Variants in CCDC3 observed in about 807,000 individuals in gnomAD.
CCDC3 encodes coiled-coil domain containing 3.
A neutral mutation model predicts 21.4 loss-of-function variants in CCDC3; 24 were observed. That is an observed-to-expected ratio of 1.12 (90% CI 0.81 to 1.58). The LOEUF is 1.58. Among genes scored for constraint, CCDC3 ranks in the 40% most tolerant of loss-of-function variants. The probability of loss-of-function intolerance (pLI) is 0.00; values close to 1 mark genes in which losing one functional copy is unlikely to be tolerated. For missense variants in CCDC3, 425 were observed against 360.9 expected, an observed-to-expected ratio of 1.18 and a Z score of -1.44; for synonymous variants, 186 against 166.0, an observed-to-expected ratio of 1.12 and a Z score of -0.93.
intron 3 of CCDC3, among the ~76,000 whole-genome samples, chr10:13,086,817 G>A (rs541306885): frequency 3.7e-4 from 56 of 152,318 alleles, no homozygotes; most frequent in Non-Finnish European, 7.1e-4. Context: ...CAAAGCTGTG[G>A]TTGGTCCAGG....
At chr10:12,947,292 C>T (rs563723768) in intron 2 of CCDC3, among the ~76,000 whole-genome samples, 4 of 152,182 alleles carry the variant, frequency 2.6e-5, no homozygotes, top group South Asian at 2.1e-4. Context: ...AGATTACAGG[C>T]GCCCACCACC....
chr10:13,094,936 T>G (rs2131457519), intron 3 of CCDC3, among the ~76,000 whole-genome samples: 1 of 152,104 alleles, frequency 6.6e-6, no homozygotes, highest in South Asian at 2.1e-4. Flanking sequence ...TGAACAGGCT[T>G]GTCTCAAAGC....
At chr10:13,044,938 T>A (rs965812700) in intron 5 of CCDC3, among the ~76,000 whole-genome samples, 1 of 152,234 alleles carries the variant, frequency 6.6e-6, no homozygotes, top group Admixed American at 6.5e-5. Context: ...AGTTTTTCCA[T>A]TTGTTTGTGT....
chr10:12,968,070 G>A (rs544122628), intron 2 of CCDC3, among the ~76,000 whole-genome samples: 2 of 152,142 alleles, frequency 1.3e-5, no homozygotes, highest in South Asian at 2.1e-4. Context: ...TCTGGAGGCT[G>A]AGGCAGGAGA....
intron 2 of CCDC3, among the ~76,000 whole-genome samples, chr10:12,925,801 T>C (rs17508369): frequency 0.056 from 8,501 of 152,338 alleles, 255 homozygotes; most frequent in Non-Finnish European, 0.072. Context: ...CCACATCTCA[T>C]GAAATTCTCA....
intron 5 of CCDC3, among the ~76,000 whole-genome samples, chr10:13,048,847 G>T (rs1050326208): frequency 6.6e-6 from 1 of 152,176 alleles, no homozygotes; most frequent in Non-Finnish European, 1.5e-5. Context: ...GAGGGAGATT[G>T]TGTCTGAAAA....
At chr10:12,970,318 C>T (rs540424478) in intron 2 of CCDC3, among the ~76,000 whole-genome samples, 19 of 152,194 alleles carry the variant, frequency 1.2e-4, no homozygotes, top group African/African-American at 4.6e-4. Flanking sequence ...TCAACTTTAC[C>T]GTGGGTTCAC....
intron 2 of CCDC3, among the ~76,000 whole-genome samples, chr10:12,933,344 C>T (rs1216075240): frequency 2.0e-5 from 3 of 152,162 alleles, no homozygotes; most frequent in African/African-American, 7.2e-5. Flanking sequence ...TAGGTCTATT[C>T]AGATTCTCTT....
At chr10:12,928,062 C>T (rs1312344190) in intron 2 of CCDC3, among the ~76,000 whole-genome samples, 1 of 152,158 alleles carries the variant, frequency 6.6e-6, no homozygotes, top group Admixed American at 6.5e-5. Context: ...GGTGTGCACA[C>T]CCAGGGCCTC....
intron 5 of CCDC3, among the ~76,000 whole-genome samples, chr10:13,038,423 A>C (rs953255272): frequency 5.3e-5 from 8 of 151,898 alleles, no homozygotes; most frequent in Non-Finnish European, 1.2e-4. Flanking sequence ...TCTGCTCTCA[A>C]GACTCAGCAA....
intron 2 of CCDC3, among the ~76,000 whole-genome samples, chr10:12,913,881 TCA>T (rs1269981925): frequency 1.3e-5 from 2 of 152,238 alleles, no homozygotes; most frequent in African/African-American, 4.8e-5. Context: ...GTGATGTATC[TCA>T]TTTATAGATT....
rs58786684 is a variant in CCDC3, at chr10:12,994,417, A to ACAAAAC, written c.549+3920_549+3921insGTTTTG. 2.0e-4 allele frequency among the ~76,000 whole-genome samples: 30 copies of ACAAAAC among 150,956 alleles called. 1 individual carries two copies. The highest frequency in any genetic ancestry group is 3.5e-4 in the Non-Finnish European group (24 of 67,884). The stretch of plus-strand genomic sequence containing the variant: ...CGTCTCAAAAACAAAACAAAACAAA[A>ACAAAAC]AAAAAAAACACCCAGCACCCAGCAC... On this transcript the variant is annotated intron_variant, in intron 2 of 2. Coordinates refer to ENST00000378825, the MANE Select transcript of CCDC3 (RefSeq NM_031455.4).
At chr10:12,944,630 G>A (rs1004533538) in intron 2 of CCDC3, among the ~76,000 whole-genome samples, 1 of 152,170 alleles carries the variant, frequency 6.6e-6, no homozygotes, top group African/African-American at 2.4e-5. Context: ...ATGGGCCATG[G>A]TTCTTAACTT....
At chr10:13,088,696 A>C (rs758611553) in intron 3 of CCDC3, among the ~76,000 whole-genome samples, 2 of 152,236 alleles carry the variant, frequency 1.3e-5, no homozygotes, top group Non-Finnish European at 2.9e-5. Flanking sequence ...TTAAGGAGAC[A>C]AGACGGAAAG....
intron 5 of CCDC3, among the ~76,000 whole-genome samples, chr10:13,017,516 C>CAA (rs60969932): frequency 0.64 from 70,936 of 110,876 alleles, 21,926 homozygotes; most frequent in East Asian, 0.74. Context: ...GACTCCATCT[C>CAA]AAAAAAAAAA....
chr10:12,903,396 C>T (rs1834123376), intron 2 of CCDC3, among the ~76,000 whole-genome samples: 1 of 152,192 alleles, frequency 6.6e-6, no homozygotes, highest in South Asian at 2.1e-4. Flanking sequence ...CAAATGAAAT[C>T]CATCTCCTTT....
chr10:13,066,527 T>G (rs1042507738), intron 4 of CCDC3, among the ~76,000 whole-genome samples: 1 of 152,224 alleles, frequency 6.6e-6, no homozygotes, highest in African/African-American at 2.4e-5. Context: ...AGATGTTTAG[T>G]TTTGGGCACC....
chr10:13,037,813 G>T (rs968991856), intron 5 of CCDC3, among the ~76,000 whole-genome samples: 1 of 152,098 alleles, frequency 6.6e-6, no homozygotes, highest in African/African-American at 2.4e-5. Context: ...CTAAAACAAA[G>T]ATTTCCAGAG....
intron 5 of CCDC3, among the ~76,000 whole-genome samples, chr10:13,036,547 C>T (rs4750300): frequency 4.6e-5 from 7 of 152,016 alleles, no homozygotes; most frequent in African/African-American, 1.2e-4. Flanking sequence ...TGCAGTGGCA[C>T]GATCTCCACT....
Sources: gnomAD v4.1 joint callset for allele counts (sites outside exome capture counted in the v4.1 genomes callset) on GRCh38, gnomAD v4.1.1 for gene constraint, MANE v1.5 for transcripts, NCBI Gene and HGNC (gene_info 2026-07-23, HGNC 2026-07-21) for gene names.